ERC2: variants seen among roughly 807,000 people sequenced by gnomAD.
The protein encoded by ERC2 is ELKS/RAB6-interacting/CAST family member 2.
ERC2 carries 42 observed loss-of-function variants against 114.8 expected under a neutral mutation model. The ratio of observed to expected loss-of-function variants is 0.37; its 90% CI spans 0.29 to 0.47. ERC2 has a LOEUF of 0.47. Among genes scored for constraint, ERC2 ranks in the 20% least tolerant of loss-of-function variants. The pLI is 0.99. For missense variants in ERC2, 939 were observed against 1,150.7 expected, an observed-to-expected ratio of 0.82 and a Z score of 2.66; for synonymous variants, 454 against 425.5, an observed-to-expected ratio of 1.07 and a Z score of -0.82.
chr3:56,064,070 T>C (rs1454043858), intron 7 of ERC2, among the ~76,000 whole-genome samples: 1 of 152,242 alleles, frequency 6.6e-6, no homozygotes, highest in Admixed American at 6.5e-5. Context: ...AGCCTGTAGC[T>C]AAATCAATAC....
intron 5 of ERC2, 56 bp downstream of exon 5, chr3:56,148,921 A>C (rs2081281773): frequency 6.6e-7 from 1 of 1,522,886 alleles, no homozygotes; most frequent in African/African-American, 1.4e-5. Context: ...TATGTATGTA[A>C]ACTGTAACTT....
chr3:56,062,313 C>T (rs1465244185), intron 7 of ERC2, among the ~76,000 whole-genome samples: 2 of 152,126 alleles, frequency 1.3e-5, no homozygotes, highest in African/African-American at 4.8e-5. Flanking sequence ...CAAAACTGTA[C>T]ACCTCTGTAC....
chr3:55,943,968 A>G (rs1187391683), intron 13 of ERC2, among the ~76,000 whole-genome samples: 1 of 152,166 alleles, frequency 6.6e-6, no homozygotes, highest in African/African-American at 2.4e-5. Context: ...GGAGCTCACA[A>G]AAGGATGACA....
intron 2 of ERC2, among the ~76,000 whole-genome samples, chr3:56,368,630 G>T (rs959516722): frequency 3.9e-5 from 6 of 152,106 alleles, no homozygotes; most frequent in African/African-American, 1.2e-4. Flanking sequence ...ATGGGTAATT[G>T]GAAGGCCCAT....
At position 56,079,616 on chromosome 3, in the gene ERC2, C is replaced by T. The variant is rs540968076; in HGVS notation, c.1641+1201G>A. On this transcript the variant is annotated intron_variant, in intron 7 of 17. Coordinates refer to ENST00000288221, the MANE Select transcript of ERC2 (RefSeq NM_015576.3). ...ATGGAGGTGGGGACAGCTCCATGGA[C>T]CTCTGACCTGTGCAGCTGCACAGGT... 7.4e-4 allele frequency among the ~76,000 whole-genome samples: 112 copies of T among 152,172 alleles called. 1 individual carries two copies. Among genetic ancestry groups the T allele is most frequent in the African/African-American group, 2.6e-3 (108 of 41,532 alleles).
At chr3:56,260,357 C>CA (rs5849139) in intron 3 of ERC2, among the ~76,000 whole-genome samples, 190 of 151,816 alleles carry the variant, frequency 1.3e-3, no homozygotes, top group African/African-American at 4.2e-3. Flanking sequence ...CCAAATAAGG[C>CA]AAAAAAAAAG....
In ERC2 at chr3:56,112,696, A is replaced by C. The variant is rs187275726; in HGVS notation, c.1473+26813T>G. 7.3e-3 allele frequency among the ~76,000 whole-genome samples: 1,107 copies of C among 152,310 alleles called. 7 individuals are homozygous for C. The highest frequency in any genetic ancestry group is 0.024 in the Middle Eastern group (7 of 294). The stretch of plus-strand genomic sequence containing the variant: ...TTCATGCACTTCACTAAGTTCATAC[A>C]TATATTAGGAGAAAACCAGGAGGGA... On this transcript the variant is annotated intron_variant, in intron 6 of 17. Coordinates refer to ENST00000288221, the MANE Select transcript of ERC2 (RefSeq NM_015576.3).
At chr3:55,686,249 A>G (rs1005288468) in intron 16 of ERC2, among the ~76,000 whole-genome samples, 1 of 152,214 alleles carries the variant, frequency 6.6e-6, no homozygotes, top group African/African-American at 2.4e-5. Context: ...TGACAGTCCA[A>G]TGTAAACTTT....
chr3:56,259,669 GAT>G (rs1290685862), intron 3 of ERC2, among the ~76,000 whole-genome samples: 1 of 151,822 alleles, frequency 6.6e-6, no homozygotes, highest in Non-Finnish European at 1.5e-5. Context: ...GATATGATAT[GAT>G]ATGATATGAT....
chr3:55,817,608 C>T (rs557099753), intron 14 of ERC2, among the ~76,000 whole-genome samples: 25 of 152,342 alleles, frequency 1.6e-4, no homozygotes, highest in African/African-American at 4.6e-4. Flanking sequence ...GGTTGAGGCA[C>T]TAATGTGTAG....
chr3:56,134,533 A>G (rs1346181701), intron 6 of ERC2, among the ~76,000 whole-genome samples: 2 of 152,188 alleles, frequency 1.3e-5, no homozygotes, highest in Non-Finnish European at 2.9e-5. Context: ...ACACTACTGC[A>G]TGTGAATATT....
intron 2 of ERC2, among the ~76,000 whole-genome samples, chr3:56,409,146 C>T (rs546474100): frequency 5.9e-5 from 9 of 152,320 alleles, no homozygotes; most frequent in African/African-American, 2.2e-4. Flanking sequence ...CTCAAAGTAG[C>T]CCATCCTCCC....
At chr3:56,019,292 A>C (rs1253576689) in intron 7 of ERC2, among the ~76,000 whole-genome samples, 1 of 152,104 alleles carries the variant, frequency 6.6e-6, no homozygotes, top group African/African-American at 2.4e-5. Flanking sequence ...GTACGTAATC[A>C]CTATTATTTC....
chr3:56,080,932 T>C lies in ERC2; in HGVS notation c.1526A>G (p.Lys509Arg). The change falls in exon 7 of 18, where the codon AAA becomes AGA. Residue 509 changes from lysine (K) to arginine (R), a missense_variant. Lys to Arg is a conservative substitution (Grantham distance 26). Around this residue, in one of 5 missense-constraint regions of ERC2, gnomAD observed 149 missense variants for 254.6 expected, o/e 0.59. Transcript: ENST00000288221. ...LEEKESFLNKKTKQLQDLTEE... is the reference protein window; with the variant it reads ...LEEKESFLNKRTKQLQDLTEE... ...TGTGAGGTCCTGTAGCTGTTTTGTTTTTTTATTGAGGAAAGATTCTTTTTC... is the reference window on the plus strand; with the variant it reads ...TGTGAGGTCCTGTAGCTGTTTTGTTCTTTTATTGAGGAAAGATTCTTTTTC... The C allele has an allele frequency of 1.2e-6, 2 of 1,613,606 alleles. No individual in the cohort carries two copies. Among genetic ancestry groups the C allele is most frequent in the Non-Finnish European group, 1.7e-6 (2 of 1,179,710 alleles).
At chr3:56,002,784 G>C (rs535593358) in intron 10 of ERC2, among the ~76,000 whole-genome samples, 1 of 152,236 alleles carries the variant, frequency 6.6e-6, no homozygotes, top group East Asian at 1.9e-4. Context: ...AGATATGCTT[G>C]TGTTTGAAGG....
intron 13 of ERC2, among the ~76,000 whole-genome samples, chr3:55,890,072 C>T (rs1318953998): frequency 1.3e-5 from 2 of 152,134 alleles, no homozygotes; most frequent in Non-Finnish European, 2.9e-5. Flanking sequence ...CAAAACCACC[C>T]CTATGTAACT....
chr3:55,930,574 C>T (rs1435699906), intron 13 of ERC2, among the ~76,000 whole-genome samples: 1 of 152,076 alleles, frequency 6.6e-6, no homozygotes, highest in African/African-American at 2.4e-5. Context: ...AAACTGGACC[C>T]CTTCCTTACA....
intron 3 of ERC2, among the ~76,000 whole-genome samples, chr3:56,246,422 C>T (rs980957951): frequency 2.0e-5 from 3 of 152,102 alleles, no homozygotes; most frequent in Non-Finnish European, 2.9e-5. Flanking sequence ...CTGTGGGGGG[C>T]ACAATCTTCC....
chr3:55,689,703 G>C (rs2062534369), intron 16 of ERC2, among the ~76,000 whole-genome samples: 1 of 151,412 alleles, frequency 6.6e-6, no homozygotes, highest in Non-Finnish European at 1.5e-5. Flanking sequence ...TGAGGCAGGA[G>C]AATCGCTTGA....
Sources: allele counts gnomAD v4.1 joint callset (sites outside exome capture counted in the v4.1 genomes callset), GRCh38; gene constraint gnomAD v4.1.1; regional missense constraint gnomAD v4.1.1; transcripts MANE v1.5; gene names NCBI Gene and HGNC (gene_info 2026-07-23, HGNC 2026-07-21).